Variants in ZNF518A observed in about 807,000 individuals in gnomAD.
The protein encoded by ZNF518A is zinc finger protein 518.
Under a neutral mutation model 102.7 loss-of-function variants are expected in ZNF518A, and 47 were observed. The ratio of observed to expected loss-of-function variants is 0.46; its 90% CI spans 0.36 to 0.58. ZNF518A has a LOEUF of 0.58. Ranked by LOEUF, ZNF518A falls within the 20% of genes least tolerant of loss-of-function variation. ZNF518A has a pLI of 0.00. For synonymous variants in ZNF518A, 652 were observed against 594.6 expected, an observed-to-expected ratio of 1.10 and a Z score of -1.40; for missense variants, 1,793 against 1,699.8, an observed-to-expected ratio of 1.05 and a Z score of -0.96.
At chr10:96,153,013 A>T (rs2082525337) in intron 3 of ZNF518A, among the ~76,000 whole-genome samples, 2 of 152,182 alleles carry the variant, frequency 1.3e-5, no homozygotes, top group African/African-American at 4.8e-5. Flanking sequence ...AGACCCTGGG[A>T]TGCTGGTAGT....
chr10:96,150,212 T>G (rs953447777), intron 3 of ZNF518A, among the ~76,000 whole-genome samples: 1 of 151,290 alleles, frequency 6.6e-6, no homozygotes, highest in African/African-American at 2.4e-5. Flanking sequence ...TGGGCTCCTG[T>G]AGTCCCAGCT....
At chr10:96,138,300 A>G (rs1471871027) in intron 3 of ZNF518A, among the ~76,000 whole-genome samples, 2 of 152,214 alleles carry the variant, frequency 1.3e-5, no homozygotes, top group African/African-American at 4.8e-5. Flanking sequence ...AAGCCTTTAC[A>G]GTTTCTATCA....
At chr10:96,132,263 A>G (rs896203041) in intron 1 of ZNF518A, among the ~76,000 whole-genome samples, 20 of 151,256 alleles carry the variant, frequency 1.3e-4, no homozygotes, top group Non-Finnish European at 5.9e-5. Context: ...ATTAAGGGTT[A>G]GTATTGTGGT....
At chr10:96,153,408 C>A (rs1453529785) in intron 3 of ZNF518A, among the ~76,000 whole-genome samples, 1 of 152,076 alleles carries the variant, frequency 6.6e-6, no homozygotes, top group Non-Finnish European at 1.5e-5. Flanking sequence ...AAGTTGATAC[C>A]TAAAATTAAC....
chr10:96,156,145 G>A (rs1275776514), intron 5 of ZNF518A, 52 bp from the exon 6 acceptor site: 12 of 471,262 alleles, frequency 2.5e-5, no homozygotes, highest in East Asian at 1.8e-4. Flanking sequence ...TTACAGATAC[G>A]AATTTACTAT....
At chr10:96,135,748 C>G (rs1479355990) in intron 3 of ZNF518A, among the ~76,000 whole-genome samples, 1 of 152,126 alleles carries the variant, frequency 6.6e-6, no homozygotes, top group Admixed American at 6.5e-5. Context: ...AATGTAAGAA[C>G]AAGAAGAATT....
At chr10:96,168,920 T>C (rs1372551548) in intron 1 of ZNF518A, among the ~76,000 whole-genome samples, 1 of 152,252 alleles carries the variant, frequency 6.6e-6, no homozygotes, top group Non-Finnish European at 1.5e-5. Flanking sequence ...CATTTTTATT[T>C]CATTAAATTT....
chr10:96,177,951 G>A (rs7083839), intron 1 of ZNF518A, among the ~76,000 whole-genome samples: 128,998 of 152,070 alleles, frequency 0.85, 55,568 homozygotes, highest in Middle Eastern at 0.93. Context: ...TATGCATATA[G>A]TACCAAAGCT....
intron 1 of ZNF518A, among the ~76,000 whole-genome samples, chr10:96,187,199 C>G (rs2083276573): frequency 6.6e-6 from 1 of 152,148 alleles, no homozygotes; most frequent in African/African-American, 2.4e-5. Flanking sequence ...TAGATGGGTT[C>G]ATTTAAAGAG....
Position 96,162,751 on chromosome 10 carries a change from C to T in ZNF518A, c.*1977C>T, listed in dbSNP as rs1416829343. ...TTGTGTTTACACAATAATTTTTTTA[C>T]TGTGCTAAAATCTGATGGAAATTTT... On this transcript the variant is annotated 3_prime_UTR_variant, in exon 6 of 6. Transcript: ENST00000316045. 1 of 166,050 alleles carries T rather than the reference C, an allele frequency of 6.0e-6. No homozygotes were observed. The highest frequency in any genetic ancestry group is 2.4e-5 in the African/African-American group (1 of 41,404). The allele number at this position is 166,050 out of a possible 1,614,324, so 10.3% of individuals were successfully genotyped here.
chr10:96,175,137 G>T (rs1210030507), intron 1 of ZNF518A, among the ~76,000 whole-genome samples: 1 of 152,088 alleles, frequency 6.6e-6, no homozygotes, highest in Non-Finnish European at 1.5e-5. Flanking sequence ...TGATATTTTT[G>T]TTATAGCACC....
downstream of ZNF518A, among the ~76,000 whole-genome samples, chr10:96,166,085 A>G (rs587676800): frequency 1.3e-5 from 2 of 152,302 alleles, no homozygotes; most frequent in South Asian, 2.1e-4. Context: ...GCATGAAAAT[A>G]AAGCTGTCTC....
chr10:96,142,654 T>C (rs1554877031), intron 3 of ZNF518A, among the ~76,000 whole-genome samples: 1 of 152,138 alleles, frequency 6.6e-6, no homozygotes. Context: ...TTAGACTCTG[T>C]AGAATGCCTT....
At chr10:96,186,916 C>T (rs1197325539) in intron 1 of ZNF518A, among the ~76,000 whole-genome samples, 3 of 152,140 alleles carry the variant, frequency 2.0e-5, no homozygotes, top group Non-Finnish European at 2.9e-5. Flanking sequence ...CTTGATGCAT[C>T]AAAGGTTAAG....
chr10:96,165,980 T>A (rs587691971), downstream of ZNF518A, among the ~76,000 whole-genome samples: 1 of 152,168 alleles, frequency 6.6e-6, no homozygotes, highest in South Asian at 2.1e-4. Context: ...GTGGTGTAAC[T>A]CTCAGACTGA....
At chr10:96,188,037 A>T (rs2083283089) in intron 1 of ZNF518A, among the ~76,000 whole-genome samples, 1 of 152,082 alleles carries the variant, frequency 6.6e-6, no homozygotes, top group African/African-American at 2.4e-5. Flanking sequence ...TTTAGTAGAG[A>T]TGGGGTTTCC....
At position 96,163,611 on chromosome 10, in the gene ZNF518A, A is replaced by G. The variant is rs958700960; in HGVS notation, c.*2837A>G. ...AAATATTTTCATTGGGGGGTTAGCAAATTTTTTCAATAAAGGGTCAGATAA... is the reference window on the plus strand; with the variant it reads ...AAATATTTTCATTGGGGGGTTAGCAGATTTTTTCAATAAAGGGTCAGATAA... On this transcript the variant is annotated 3_prime_UTR_variant, in exon 6 of 6. Transcript: ENST00000316045. 10 of 167,032 alleles carry G rather than the reference A, an allele frequency of 6.0e-5. No homozygotes were observed. The highest frequency in any genetic ancestry group is 1.5e-4 in the Non-Finnish European group (10 of 68,092). 10.3% of individuals were successfully genotyped at this position (167,032 alleles called of 1,614,324 possible).
chr10:96,134,936 T>G (rs1399823864), intron 3 of ZNF518A, among the ~76,000 whole-genome samples: 1 of 152,204 alleles, frequency 6.6e-6, no homozygotes, highest in Non-Finnish European at 1.5e-5. Context: ...ACATGTCATA[T>G]ATTGTTTTTG....
chr10:96,171,074 T>TA (rs2083170584), intron 1 of ZNF518A, among the ~76,000 whole-genome samples: 1 of 150,820 alleles, frequency 6.6e-6, no homozygotes, highest in African/African-American at 2.4e-5. Flanking sequence ...GGAACCCTCA[T>TA]ACACTGTTGG....
Sources: allele counts gnomAD v4.1 joint callset (sites outside exome capture counted in the v4.1 genomes callset), GRCh38; gene constraint gnomAD v4.1.1; transcripts MANE v1.5; gene names NCBI Gene and HGNC (gene_info 2026-07-23, HGNC 2026-07-21).